The following NKAIN2 variants were observed in gnomAD, a reference collection of about 807,000 sequenced individuals.
The protein encoded by NKAIN2 is sodium/potassium-transporting ATPase subunit beta-1-interacting protein 2.
NKAIN2 carries 14 observed loss-of-function variants against 32.6 expected under a neutral mutation model. The ratio of observed to expected loss-of-function variants is 0.43; its 90% CI spans 0.28 to 0.67. NKAIN2 has a LOEUF of 0.67. NKAIN2 is among the 30% of genes least tolerant of loss of function. NKAIN2 has a pLI of 0.17. For missense variants in NKAIN2, 198 were observed against 258.3 expected (o/e 0.77, Z 1.60); for synonymous variants, 80 against 87.2 (o/e 0.92, Z 0.46).
At chr6:124,245,675 A>T (rs574306010) in intron 1 of NKAIN2, among the ~76,000 whole-genome samples, 1 of 152,212 alleles carries the variant, frequency 6.6e-6, no homozygotes, top group East Asian at 1.9e-4. Context: ...TCATTGTGTC[A>T]GGAGTTGGAC....
At chr6:124,156,774 G>T (rs1233140453) in intron 1 of NKAIN2, among the ~76,000 whole-genome samples, 1 of 151,940 alleles carries the variant, frequency 6.6e-6, no homozygotes, top group South Asian at 2.1e-4. Flanking sequence ...ATCAAAGCAG[G>T]AATTTAGGTA....
In NKAIN2 at chr6:124,824,772, T is replaced by A. The variant is rs552356806; in HGVS notation, c.*1543T>A. The A allele has an allele frequency of 2.0e-5, 3 of 152,196 alleles. No individual in the cohort carries two copies. The highest frequency in any genetic ancestry group is 4.4e-5 in the Non-Finnish European group (3 of 68,016). 9.4% of individuals were successfully genotyped at this position (152,196 alleles called of 1,614,324 possible). Reference sequence around the variant, plus strand: ...GCATGGAGCAAGTTTTTTCTTTGATTTCTATGAAGTTTCAGTTATTGGATT... The same window carrying A: ...GCATGGAGCAAGTTTTTTCTTTGATATCTATGAAGTTTCAGTTATTGGATT... On this transcript the variant is annotated 3_prime_UTR_variant, in exon 7 of 7. Coordinates refer to ENST00000368417, the MANE Select transcript of NKAIN2 (RefSeq NM_001040214.3).
At chr6:124,300,527 G>A (rs1287605743) in intron 2 of NKAIN2, among the ~76,000 whole-genome samples, 3 of 152,198 alleles carry the variant, frequency 2.0e-5, no homozygotes, top group Non-Finnish European at 4.4e-5. Context: ...AAATGTGGAA[G>A]TGACTTTGGA....
Position 124,094,125 on chromosome 6 carries a change from C to T in NKAIN2, c.55-188880C>T, listed in dbSNP as rs73563134. Among the ~76,000 whole-genome samples the T allele has an allele frequency of 9.9e-3, 1,500 of 152,220 alleles. 19 individuals are homozygous for T. The highest frequency in any genetic ancestry group is 0.034 in the African/African-American group (1,431 of 41,548). On this transcript the variant is annotated intron_variant, in intron 1 of 6. Transcript: ENST00000368417. Reference sequence around the variant, plus strand: ...AAGTCTGCCATGTAACACCCATTAACAATGCAGCTTTAAGATACAGATATC... The same window carrying T: ...AAGTCTGCCATGTAACACCCATTAATAATGCAGCTTTAAGATACAGATATC...
intron 1 of NKAIN2, among the ~76,000 whole-genome samples, chr6:123,948,180 T>A (rs1777156738): frequency 6.6e-6 from 1 of 152,110 alleles, no homozygotes; most frequent in South Asian, 2.1e-4. Context: ...TGATGGACAC[T>A]TAGGTTGCTT....
At chr6:124,485,015 G>A (rs1777597724) in intron 3 of NKAIN2, among the ~76,000 whole-genome samples, 1 of 152,104 alleles carries the variant, frequency 6.6e-6, no homozygotes, top group Non-Finnish European at 1.5e-5. Context: ...GTTTCTCCTA[G>A]CTGATACAGG....
chr6:124,469,324 A>G (rs1776883779), intron 3 of NKAIN2, among the ~76,000 whole-genome samples: 1 of 152,086 alleles, frequency 6.6e-6, no homozygotes, highest in Non-Finnish European at 1.5e-5. Flanking sequence ...ATAAGATAAA[A>G]CTCAACTAGC....
chr6:124,187,536 A>T (rs1789806637), intron 1 of NKAIN2, among the ~76,000 whole-genome samples: 1 of 152,180 alleles, frequency 6.6e-6, no homozygotes, highest in South Asian at 2.1e-4. Context: ...GCCCTACTTT[A>T]GGCGTATTGA....
intron 1 of NKAIN2, among the ~76,000 whole-genome samples, chr6:123,818,992 G>A (rs1376998334): frequency 6.6e-6 from 1 of 152,156 alleles, no homozygotes; most frequent in Non-Finnish European, 1.5e-5. Context: ...GTCTGTGTGT[G>A]TGTTAAGTGG....
chr6:124,423,491 G>T (rs1459355471), intron 3 of NKAIN2, among the ~76,000 whole-genome samples: 1 of 152,174 alleles, frequency 6.6e-6, no homozygotes, highest in Non-Finnish European at 1.5e-5. Flanking sequence ...GACCCAAAAG[G>T]TGATGTTAAT....
intron 1 of NKAIN2, among the ~76,000 whole-genome samples, chr6:124,208,952 T>C (rs1441985926): frequency 6.6e-6 from 1 of 151,722 alleles, no homozygotes; most frequent in African/African-American, 2.4e-5. Flanking sequence ...ATATTTATCA[T>C]TTATTTGTAT....
intron 4 of NKAIN2, among the ~76,000 whole-genome samples, chr6:124,706,406 T>C (rs902036025): frequency 2.0e-5 from 3 of 152,094 alleles, no homozygotes; most frequent in African/African-American, 7.2e-5. Flanking sequence ...TTGCTGTTAT[T>C]ATATATTGAA....
intron 1 of NKAIN2, among the ~76,000 whole-genome samples, chr6:124,222,640 G>C (rs1791894042): frequency 6.6e-6 from 1 of 152,096 alleles, no homozygotes; most frequent in Admixed American, 6.6e-5. Context: ...ACCCAGAACA[G>C]AACTCTGGTC....
chr6:124,439,462 C>G (rs999382370), intron 3 of NKAIN2, among the ~76,000 whole-genome samples: 1 of 151,864 alleles, frequency 6.6e-6, no homozygotes, highest in African/African-American at 2.4e-5. Flanking sequence ...TCTTCGTACA[C>G]TAGACTCAGT....
intron 3 of NKAIN2, among the ~76,000 whole-genome samples, chr6:124,365,796 A>C (rs1799493261): frequency 6.6e-6 from 1 of 152,100 alleles, no homozygotes; most frequent in South Asian, 2.1e-4. Context: ...AATGATTTGC[A>C]ATTATTCAGC....
intron 4 of NKAIN2, among the ~76,000 whole-genome samples, chr6:124,777,947 TCA>T (rs142387344): frequency 0.061 from 8,889 of 146,728 alleles, 413 homozygotes; most frequent in African/African-American, 0.12. Context: ...GAAATCACAT[TCA>T]CACACACACA....
chr6:124,404,460 C>A lies in NKAIN2; in HGVS notation c.273+49113C>A, dbSNP rs150607710. Among the ~76,000 whole-genome samples the A allele has an allele frequency of 8.9e-3, 1,354 of 152,276 alleles. 23 individuals are homozygous for A. The highest frequency in any genetic ancestry group is 0.031 in the African/African-American group (1,276 of 41,558). ...ACAGTGGCACCACCTCCCTGAGTTT[C>A]TTTCCTTCTCCAAATCCTAAACCAG... On this transcript the variant is annotated intron_variant, in intron 3 of 6. Coordinates refer to ENST00000368417, the MANE Select transcript of NKAIN2 (RefSeq NM_001040214.3).
At chr6:124,667,467 A>G (rs1232631746) in intron 4 of NKAIN2, among the ~76,000 whole-genome samples, 2 of 152,252 alleles carry the variant, frequency 1.3e-5, no homozygotes, top group African/African-American at 4.8e-5. Context: ...AGTAAAGTAT[A>G]TGAAGATATA....
At chr6:124,168,224 G>C (rs802223) in intron 1 of NKAIN2, among the ~76,000 whole-genome samples, 151,901 of 152,270 alleles carry the variant, frequency 1, 75,769 homozygotes, top group Middle Eastern at 1. Flanking sequence ...CTGGCCATAA[G>C]TCTGTAAAAT....
Sources: allele counts gnomAD v4.1 joint callset (sites outside exome capture counted in the v4.1 genomes callset), GRCh38; gene constraint gnomAD v4.1.1; transcripts MANE v1.5; gene names NCBI Gene and HGNC (gene_info 2026-07-23, HGNC 2026-07-21).